Variants in DISC1 observed in about 807,000 individuals in gnomAD.
DISC1 encodes the protein DISC1 scaffold protein.
In DISC1, 57 loss-of-function variants were observed where a neutral mutation model predicts 84.5. The observed-to-expected ratio is 0.67, with a 90% CI of 0.55 to 0.84. DISC1 has a LOEUF of 0.84. Ranked by LOEUF, DISC1 falls within the 40% of genes least tolerant of loss-of-function variation. The pLI, the probability that DISC1 is intolerant of heterozygous loss-of-function variation, is 0.00. For synonymous variants in DISC1, 411 were observed against 415.2 expected (o/e 0.99, Z 0.12); for missense variants, 1,000 against 1,057.8 (o/e 0.95, Z 0.76).
intron 3 of DISC1, among the ~76,000 whole-genome samples, chr1:231,713,936 G>A (rs965966527): frequency 4.0e-5 from 6 of 150,484 alleles, no homozygotes; most frequent in African/African-American, 1.2e-4. Context: ...ATAGATAAAA[G>A]GCATCATAAT....
At chr1:231,852,787 A>G (rs1236789426) in intron 9 of DISC1, among the ~76,000 whole-genome samples, 1 of 152,220 alleles carries the variant, frequency 6.6e-6, no homozygotes, top group Non-Finnish European at 1.5e-5. Context: ...GGGGAGAGAG[A>G]TGGTGGAGAA....
rs930927499 is a variant in DISC1 at position 231,948,112 on chromosome 1, G to C, written c.1982-10716G>C. On this transcript the variant is annotated intron_variant, in intron 9 of 12. Coordinates refer to ENST00000439617, the MANE Select transcript of DISC1 (RefSeq NM_018662.3). ...ACCCAGCAATCCCATATACCCAAAG[G>C]ATCATTGTACTATAATCATTCTATG... Among the ~76,000 whole-genome samples the C allele has an allele frequency of 5.7e-4, 86 of 152,086 alleles. 1 individual carries two copies. Among genetic ancestry groups the C allele is most frequent in the African/African-American group, 2.1e-3 (86 of 41,498 alleles).
chr1:231,803,332 T>A (rs1001172966), intron 8 of DISC1, among the ~76,000 whole-genome samples: 5 of 152,174 alleles, frequency 3.3e-5, no homozygotes, highest in African/African-American at 1.2e-4. Flanking sequence ...TCTCTATTAA[T>A]GTGTAATAAG....
At chr1:231,688,328 G>C (rs1427690262) in intron 1 of DISC1, among the ~76,000 whole-genome samples, 1 of 152,104 alleles carries the variant, frequency 6.6e-6, no homozygotes, top group Non-Finnish European at 1.5e-5. Context: ...GAGAGCTGTG[G>C]GATCAGGCCT....
intron 9 of DISC1, chr1:231,940,834 C>T (rs2091285172): frequency 6.6e-6 from 1 of 152,266 alleles, no homozygotes. Flanking sequence ...TTTGCTGCTC[C>T]ATGACGTTCT....
intron 9 of DISC1, among the ~76,000 whole-genome samples, chr1:231,920,112 A>G (rs2089906405): frequency 6.6e-6 from 1 of 152,158 alleles, no homozygotes. Flanking sequence ...CAGTTGTGAC[A>G]ATCAAAAATG....
chr1:231,907,127 CTTCCTCTTTCTTTCTTTCTT>C lies in DISC1; in HGVS notation c.1982-51699_1982-51680del, dbSNP rs1350223561. 1.6e-3 allele frequency among the ~76,000 whole-genome samples: 80 copies of C among 48,592 alleles called. 2 individuals are homozygous for C. Among genetic ancestry groups the C allele is most frequent in the African/African-American group, 6.4e-3 (70 of 10,892 alleles). 31.9% of individuals were successfully genotyped at this position (48,592 alleles called of 152,430 possible). The stretch of plus-strand genomic sequence containing the variant: ...CCTTCTCTCCTTCCTTCCTTCCTTC[CTTCCTCTTTCTTTCTTTCTT>C]TCTTTCTTTCTTTCTTTCTTTCTCT... On this transcript the variant is annotated intron_variant, in intron 9 of 12. Coordinates refer to ENST00000439617, the MANE Select transcript of DISC1 (RefSeq NM_018662.3).
At chr1:231,702,986 G>C (rs1391867984) in intron 3 of DISC1, among the ~76,000 whole-genome samples, 1 of 152,164 alleles carries the variant, frequency 6.6e-6, no homozygotes, top group East Asian at 1.9e-4. Context: ...TCTGGAAGCT[G>C]GTTAGCTTTA....
intron 1 of DISC1, among the ~76,000 whole-genome samples, chr1:231,692,312 C>A (rs373284535): frequency 6.6e-6 from 1 of 152,192 alleles, no homozygotes; most frequent in East Asian, 1.9e-4. Context: ...CTTTGTACCC[C>A]GGGCAGCAAT....
Position 231,748,071 on chromosome 1 carries a change from TG to T in DISC1, c.1118-1854del, listed in dbSNP as rs1193664260. Among the ~76,000 whole-genome samples the T allele has an allele frequency of 3.3e-5, 5 of 152,366 alleles. No individual in the cohort carries two copies. In the East Asian group the frequency reaches 7.7e-4, roughly 23 times the overall value. On this transcript the variant is annotated intron_variant, in intron 3 of 12. Transcript: ENST00000439617. The stretch of plus-strand genomic sequence containing the variant: ...CATGTATAGAAATGCCACTGGTTTT[TG>T]TATATTAATTTTGTATCCTGCAACT...
At chr1:231,740,562 G>A (rs1463969448) in intron 3 of DISC1, among the ~76,000 whole-genome samples, 14 of 152,158 alleles carry the variant, frequency 9.2e-5, no homozygotes, top group African/African-American at 1.4e-4. Context: ...GTTCTGCAGC[G>A]CACATGGAGT....
Position 231,773,830 on chromosome 1 carries a change from G to A in DISC1, c.1634+2760G>A, listed in dbSNP as rs201459262. Among the ~76,000 whole-genome samples, 92 of 152,280 alleles carry A rather than the reference G, an allele frequency of 6.0e-4. 1 individual carries two copies. Among genetic ancestry groups the A allele is most frequent in the South Asian group, 5.4e-3 (26 of 4,824 alleles). On this transcript the variant is annotated intron_variant, in intron 6 of 12. Transcript: ENST00000439617. ...TGGGAGAATCCACCATCCCCAATCC[G>A]AACATTCCCACTGAGATTACAGAGG...
chr1:231,899,551 T>C (rs1366342012), intron 9 of DISC1, among the ~76,000 whole-genome samples: 1 of 152,222 alleles, frequency 6.6e-6, no homozygotes, highest in Non-Finnish European at 1.5e-5. Context: ...TTGGATGATC[T>C]GATTAATATG....
At chr1:231,978,282 T>C (rs1191220886) in intron 10 of DISC1, among the ~76,000 whole-genome samples, 1 of 152,228 alleles carries the variant, frequency 6.6e-6, no homozygotes, top group Non-Finnish European at 1.5e-5. Context: ...TCCATCCTTC[T>C]TGTATCAAAT....
At chr1:231,633,201 T>G (rs941066044) in intron 1 of DISC1, among the ~76,000 whole-genome samples, 1 of 152,234 alleles carries the variant, frequency 6.6e-6, no homozygotes, top group Non-Finnish European at 1.5e-5. Flanking sequence ...ATTGAGTGGC[T>G]ACTTGGTTCA....
intron 3 of DISC1, among the ~76,000 whole-genome samples, chr1:231,732,655 T>G (rs1035848757): frequency 4.6e-5 from 7 of 152,252 alleles, no homozygotes; most frequent in Admixed American, 2.0e-4. Flanking sequence ...CTATTTCCGT[T>G]GGGTTCTCTG....
At chr1:231,795,052 G>C (rs1432705876) in intron 6 of DISC1, among the ~76,000 whole-genome samples, 190 bp from the exon 7 acceptor site, 1 of 152,162 alleles carries the variant, frequency 6.6e-6, no homozygotes, top group African/African-American at 2.4e-5. Flanking sequence ...CATAATAAGG[G>C]AGGAAAGGTC....
chr1:231,904,997 A>C (rs533184269), intron 9 of DISC1, among the ~76,000 whole-genome samples: 1 of 152,356 alleles, frequency 6.6e-6, no homozygotes, highest in South Asian at 2.1e-4. Flanking sequence ...TGAAGGTTTG[A>C]TGAGGAATGG....
At chr1:232,032,089 C>A (rs9793586) in intron 12 of DISC1, among the ~76,000 whole-genome samples, 59,320 of 151,598 alleles carry the variant, frequency 0.39, 11,775 homozygotes, top group African/African-American at 0.45. Context: ...CCAAAAATCC[C>A]AAATCTGAAA....
Sources: gnomAD v4.1 joint callset for allele counts (sites outside exome capture counted in the v4.1 genomes callset) on GRCh38, gnomAD v4.1.1 for gene constraint, MANE v1.5 for transcripts, NCBI Gene and HGNC (gene_info 2026-07-23, HGNC 2026-07-21) for gene names.